The following TNFRSF13B variants were observed in gnomAD, a reference collection of about 807,000 sequenced individuals.
The protein encoded by TNFRSF13B is tumor necrosis factor receptor superfamily member 13B.
A neutral mutation model predicts 24.0 loss-of-function variants in TNFRSF13B; 34 were observed. The ratio of observed to expected loss-of-function variants is 1.41; its 90% confidence interval spans 1.08 to 1.88. The LOEUF (loss-of-function observed/expected upper bound fraction) is 1.88, where lower values mean the gene tolerates loss of function less well. TNFRSF13B is among the 40% of genes most tolerant of loss of function. The probability of loss-of-function intolerance (pLI) is 0.00; values close to 1 mark genes in which losing one functional copy is unlikely to be tolerated. For synonymous variants in TNFRSF13B, 173 were observed against 150.3 expected (o/e 1.15, Z -1.10); for missense variants, 415 against 380.8 (o/e 1.09, Z -0.75).
chr17:16,958,492 TA>T (rs201756437), intron 1 of TNFRSF13B, among the ~76,000 whole-genome samples: 3,342 of 150,946 alleles, frequency 0.022, 118 homozygotes, highest in African/African-American at 0.065. Flanking sequence ...TACTTTAGAT[TA>T]AAAAAAAATA....
chr17:16,955,803 T>G (rs935345436), intron 1 of TNFRSF13B, among the ~76,000 whole-genome samples: 2 of 152,248 alleles, frequency 1.3e-5, no homozygotes, highest in African/African-American at 4.8e-5. Flanking sequence ...ATTTGGGAAC[T>G]GTGGAGTTGT....
At chr17:16,941,441 C>T in intron 3 of TNFRSF13B, 2 of 987,644 alleles carry the variant, frequency 2.0e-6, no homozygotes, top group Middle Eastern at 2.8e-4. Flanking sequence ...ATCCCAAAAG[C>T]TCTTCCTTGT....
intron 1 of TNFRSF13B, 37 bp from the exon 2 acceptor site, chr17:16,952,620 G>T: frequency 6.2e-7 from 1 of 1,613,840 alleles, no homozygotes; most frequent in South Asian, 1.1e-5. Flanking sequence ...CTGGCAGGCG[G>T]CCACAGCCCG....
chr17:16,951,745 G>A (rs924349407), intron 2 of TNFRSF13B, among the ~76,000 whole-genome samples: 2 of 152,078 alleles, frequency 1.3e-5, no homozygotes, highest in Non-Finnish European at 2.9e-5. Context: ...AAAATTAGCC[G>A]GGTGTGGTGG....
chr17:16,940,820 C>T (rs1012954159), intron 3 of TNFRSF13B: 3 of 1,288,126 alleles, frequency 2.3e-6, no homozygotes, highest in Non-Finnish European at 3.0e-6. Context: ...GGTGAATCGA[C>T]AGACGAACAG....
rs2072018471 is a variant in TNFRSF13B at position 16,971,889 on chromosome 17, A to T, written c.61+126T>A. On this transcript the variant is annotated intron_variant, in intron 1 of 4. Transcript: ENST00000261652. ...TGTGCAGGAGCTTGGGGAGGCTGGG[A>T]CTGCCCCAGTGTGTGGATCTGCTGT... is the stretch of plus-strand genomic sequence containing the variant. 6 of 926,432 alleles carry T rather than the reference A, an allele frequency of 6.5e-6. No individual in the cohort carries two copies. The South Asian group carries it at 8.0e-5, about 12-fold the overall frequency. 57.4% of individuals were successfully genotyped at this position (926,432 alleles called of 1,614,324 possible).
chr17:16,957,881 A>T (rs140014637), intron 1 of TNFRSF13B, among the ~76,000 whole-genome samples: 1,908 of 152,288 alleles, frequency 0.013, 21 homozygotes, highest in Admixed American at 0.025. Context: ...AAATAAAAGT[A>T]CTCTAGACGG....
chr17:16,949,104 A>G (rs2087570831), intron 2 of TNFRSF13B, 121 bp from the exon 3 acceptor site: 9 of 1,327,952 alleles, frequency 6.8e-6, no homozygotes, highest in Non-Finnish European at 4.2e-6. Flanking sequence ...AGGCAATTCC[A>G]GAGTAAGCCA....
rs1400914097 is a variant in TNFRSF13B at position 16,952,557 on chromosome 17, C to A, written c.88G>T (p.Ala30Ser). The A allele has an allele frequency of 1.2e-6, 2 of 1,614,106 alleles. No individual in the cohort carries two copies. The highest frequency in any genetic ancestry group is 1.7e-6 in the Non-Finnish European group (2 of 1,180,042). ...TGCTCTTCGGGGCAGGATCTCATAG[C>A]CACCCCCGTCCACAGGCCCTGTGGA... ...RFPQGLWTGV[A>S]MRSCPEEQYW... Residue 30 changes from alanine (A) to serine (S), a missense_variant, in exon 2 of 5, where the codon GCT becomes TCT. Physicochemically the swap from Ala to Ser is moderately conservative, Grantham distance 99 (BLOSUM62 1). Transcript: ENST00000261652.
chr17:16,968,801 C>T (rs944127358), intron 1 of TNFRSF13B, among the ~76,000 whole-genome samples: 4 of 152,032 alleles, frequency 2.6e-5, no homozygotes, highest in African/African-American at 4.8e-5. Flanking sequence ...AATATTATAC[C>T]TGAAAAGGAG....
rs869159793 is a variant in TNFRSF13B, at chr17:16,946,596, A to AT, written c.445+2141dup. Reference sequence around the variant, plus strand: ...TTTATTTTTATTTATTTATTTATTTATTTTTTTTTGAGACACAGTCTCACT... The same window carrying AT: ...TTTATTTTTATTTATTTATTTATTTATTTTTTTTTTGAGACACAGTCTCACT... On this transcript the variant is annotated intron_variant, in intron 3 of 4. Coordinates refer to ENST00000261652, the MANE Select transcript of TNFRSF13B (RefSeq NM_012452.3). 5.1e-3 allele frequency among the ~76,000 whole-genome samples: 701 copies of AT among 136,274 alleles called. 6 individuals carry two copies. The highest frequency in any genetic ancestry group is 0.017 in the African/African-American group (620 of 36,188). The allele number at this position is 136,274 out of a possible 152,430, so 89.4% of individuals were successfully genotyped here.
chr17:16,972,036 G>A lies in TNFRSF13B; in HGVS notation c.40C>T (p.Arg14Cys), dbSNP rs370503383. ...LGRSRRGGRS[R>C]VDQEERFPQG... The stretch of plus-strand genomic sequence containing the variant: ...TCACAGCGCTCCTCCTGGTCCACAC[G>A]GCTCCGGCCACCTCGCCTGCTCCGG... The change falls in exon 1 of 5, where the codon CGT (arginine) becomes TGT (cysteine). Residue 14 changes from arginine (R) to cysteine (C), a missense_variant. Transcript: ENST00000261652. 41 of 1,614,058 alleles carry A rather than the reference G, an allele frequency of 2.5e-5. No homozygotes were observed. Among genetic ancestry groups the A allele is most frequent in the Admixed American group, 5.0e-5 (3 of 60,026 alleles).
intron 1 of TNFRSF13B, among the ~76,000 whole-genome samples, chr17:16,962,925 G>T (rs1439581822): frequency 6.6e-6 from 1 of 152,190 alleles, no homozygotes. Flanking sequence ...AGAAAGTGGG[G>T]AATCAATCCA....
rs1402873596 is a variant in TNFRSF13B at position 16,939,543 on chromosome 17, C to T, written c.*4G>A. On this transcript the variant is annotated 3_prime_UTR_variant, in exon 5 of 5. Transcript: ENST00000261652. Reference sequence around the variant, plus strand: ...CCCTCCTCCTTTCCCTCCCTGACCCCCATTTATGCACCTGGGCCCCCCTCC... The same window carrying T: ...CCCTCCTCCTTTCCCTCCCTGACCCTCATTTATGCACCTGGGCCCCCCTCC... 6.2e-7 allele frequency: 1 copy of T among 1,613,078 alleles called. No homozygotes were observed. Among genetic ancestry groups the T allele is most frequent in the Non-Finnish European group, 8.5e-7 (1 of 1,179,552 alleles).
At chr17:16,958,661 C>T (rs1281611212) in intron 1 of TNFRSF13B, among the ~76,000 whole-genome samples, 2 of 151,884 alleles carry the variant, frequency 1.3e-5, no homozygotes, top group Non-Finnish European at 2.9e-5. Flanking sequence ...AGAGCTGGGG[C>T]AGCTATACTG....
chr17:16,948,901 T>C lies in TNFRSF13B; in HGVS notation c.282A>G (p.Gly94=). 7 of 1,614,206 alleles carry C rather than the reference T, an allele frequency of 4.3e-6. No individual in the cohort carries two copies. The highest frequency in any genetic ancestry group is 5.9e-6 in the Non-Finnish European group (7 of 1,180,034). Residue 94 remains glycine, a synonymous_variant, in exon 3 of 5, where the codon GGA becomes GGG. Transcript: ENST00000261652. ...RDCISCASIC[G]QHPKQCAYFC... ...AGTATGCACATTGCTTAGGGTGCTG[T>C]CCACAGATGGAGGCACAGCTGATGC...
chr17:16,967,769 A>AAG (rs1555550444), intron 1 of TNFRSF13B, among the ~76,000 whole-genome samples: 1 of 146,864 alleles, frequency 6.8e-6, no homozygotes, highest in African/African-American at 2.5e-5. Context: ...AAAAAAAAAA[A>AAG]AAAGAAAGAA....
intron 1 of TNFRSF13B, among the ~76,000 whole-genome samples, chr17:16,953,786 T>A (rs1032218049): frequency 5.3e-5 from 8 of 151,948 alleles, no homozygotes; most frequent in Non-Finnish European, 1.2e-4. Flanking sequence ...TTTTTTTTTC[T>A]TAGATGGAGT....
intron 3 of TNFRSF13B, chr17:16,941,048 A>C: frequency 1.6e-6 from 1 of 619,612 alleles, no homozygotes; most frequent in African/African-American, 2.0e-5. Context: ...ATACAATTAG[A>C]GTCATCTCTA....
Sources: allele counts gnomAD v4.1 joint callset (sites outside exome capture counted in the v4.1 genomes callset), GRCh38; gene constraint gnomAD v4.1.1; transcripts MANE v1.5; gene names NCBI Gene and HGNC (gene_info 2026-07-23, HGNC 2026-07-21).